The following SREBF2 variants were observed in gnomAD, a reference collection of about 807,000 sequenced individuals.
SREBF2 encodes sterol regulatory element-binding protein 2.
SREBF2 carries 55 observed loss-of-function variants against 113.1 expected under a neutral mutation model. The ratio of observed to expected loss-of-function variants is 0.49; its 90% CI spans 0.39 to 0.61. SREBF2 has a LOEUF of 0.61. Ranked by LOEUF, SREBF2 falls within the 20% of genes least tolerant of loss-of-function variation. SREBF2 has a pLI of 0.00. For synonymous variants in SREBF2, 593 were observed against 605.7 expected (o/e 0.98, Z 0.31); for missense variants, 1,349 against 1,487.4 (o/e 0.91, Z 1.53).
intron 1 of SREBF2, among the ~76,000 whole-genome samples, chr22:41,855,990 A>T (rs2076973767): frequency 6.6e-6 from 1 of 151,900 alleles, no homozygotes; most frequent in South Asian, 2.1e-4. Flanking sequence ...TAGCATGATC[A>T]TGCCTCACTG....
intron 5 of SREBF2, 30 bp from the exon 6 acceptor site, chr22:41,875,307 C>A: frequency 1.3e-6 from 2 of 1,584,020 alleles, no homozygotes; most frequent in South Asian, 1.1e-5. Context: ...GCACTGGTCT[C>A]ACTGTGTTTT....
intron 1 of SREBF2, among the ~76,000 whole-genome samples, chr22:41,839,496 C>A (rs1257903454): frequency 6.6e-6 from 1 of 151,808 alleles, no homozygotes; most frequent in African/African-American, 2.4e-5. Context: ...TATTAGGAGG[C>A]CAAACCTTGC....
intron 7 of SREBF2, 78 bp downstream of exon 7, chr22:41,875,802 T>C (rs1030306102): frequency 3.9e-6 from 6 of 1,530,472 alleles, no homozygotes; most frequent in Middle Eastern, 3.9e-4. Context: ...GTCACAGTTA[T>C]GAGGCCAGGC....
intron 1 of SREBF2, among the ~76,000 whole-genome samples, chr22:41,859,842 G>C (rs1207017922): frequency 8.9e-6 from 1 of 111,988 alleles, no homozygotes; most frequent in Non-Finnish European, 1.7e-5. Flanking sequence ...ACGGAGTCTC[G>C]CTCTGTCACC....
intron 1 of SREBF2, among the ~76,000 whole-genome samples, chr22:41,851,993 T>C (rs1228330293): frequency 6.6e-6 from 1 of 151,930 alleles, no homozygotes; most frequent in Non-Finnish European, 1.5e-5. Flanking sequence ...TGGTAGCGGA[T>C]GCCTGTAGTC....
At chr22:41,847,776 G>A (rs965959272) in intron 1 of SREBF2, among the ~76,000 whole-genome samples, 1 of 152,148 alleles carries the variant, frequency 6.6e-6, no homozygotes, top group African/African-American at 2.4e-5. Context: ...TGTGTAAAGT[G>A]TTTAATTGCT....
chr22:41,890,887 GACAGAGCAAGA>G (rs1165487656), intron 11 of SREBF2, among the ~76,000 whole-genome samples: 1 of 151,494 alleles, frequency 6.6e-6, no homozygotes, highest in Non-Finnish European at 1.5e-5. Context: ...CAGCCTGGGT[GACAGAGCAAGA>G]CTCTGTCTTT....
chr22:41,895,675 A>C (rs141911719), intron 13 of SREBF2, among the ~76,000 whole-genome samples: 1 of 151,624 alleles, frequency 6.6e-6, no homozygotes, highest in Non-Finnish European at 1.5e-5. Context: ...ATCTCGGGCA[A>C]TCCGCCTGCC....
At chr22:41,862,903 T>A (rs574829373) in intron 1 of SREBF2, among the ~76,000 whole-genome samples, 4 of 152,360 alleles carry the variant, frequency 2.6e-5, no homozygotes, top group South Asian at 4.1e-4. Flanking sequence ...GGGACTTTTT[T>A]ATTTTAATTT....
At chr22:41,869,229 C>G (rs1317919790) in intron 3 of SREBF2, among the ~76,000 whole-genome samples, 2 of 152,054 alleles carry the variant, frequency 1.3e-5, no homozygotes, top group Non-Finnish European at 2.9e-5. Context: ...TTCAGCCTCC[C>G]GAGTAGCTGG....
chr22:41,864,261 T>TATAC (rs1204150898), intron 1 of SREBF2, among the ~76,000 whole-genome samples: 184 of 50,972 alleles, frequency 3.6e-3, no homozygotes, highest in Non-Finnish European at 5.1e-3. Flanking sequence ...TATATATATA[T>TATAC]ACACACACAC....
chr22:41,857,443 A>G, intron 1 of SREBF2, among the ~76,000 whole-genome samples: 1 of 152,208 alleles, frequency 6.6e-6, no homozygotes, highest in East Asian at 1.9e-4. Flanking sequence ...CCAGAAGACC[A>G]TTTGAGAATT....
At chr22:41,835,412 G>A (rs994350059) in intron 1 of SREBF2, among the ~76,000 whole-genome samples, 1 of 151,220 alleles carries the variant, frequency 6.6e-6, no homozygotes, top group Admixed American at 6.6e-5. Flanking sequence ...CCGAGTTCAG[G>A]CGATTCTCCT....
chr22:41,863,112 G>A (rs561952348), intron 1 of SREBF2, among the ~76,000 whole-genome samples: 1 of 152,306 alleles, frequency 6.6e-6, no homozygotes, highest in African/African-American at 2.4e-5. Context: ...ACCTGCATAA[G>A]GGTCTACCCT....
At chr22:41,888,688 T>C (rs1330981173) in intron 11 of SREBF2, among the ~76,000 whole-genome samples, 1 of 152,228 alleles carries the variant, frequency 6.6e-6, no homozygotes, top group Admixed American at 6.5e-5. Flanking sequence ...TTAGGGAACA[T>C]TTTTGTCCAT....
At chr22:41,842,985 C>A (rs563513891) in intron 1 of SREBF2, among the ~76,000 whole-genome samples, 1 of 148,828 alleles carries the variant, frequency 6.7e-6, no homozygotes, top group African/African-American at 2.5e-5. Context: ...GCGAGACGTC[C>A]GTCTCAAAAA....
At chr22:41,896,509 G>A (rs1392500196) in intron 13 of SREBF2, among the ~76,000 whole-genome samples, 2 of 152,110 alleles carry the variant, frequency 1.3e-5, no homozygotes, top group South Asian at 2.1e-4. Context: ...ACAGGCACGC[G>A]CCACCATGCC....
chr22:41,905,203 A>G (rs1158364356), intron 18 of SREBF2, among the ~76,000 whole-genome samples: 1 of 152,216 alleles, frequency 6.6e-6, no homozygotes, highest in African/African-American at 2.4e-5. Flanking sequence ...GTCCCAGCAC[A>G]GGTGCAGGCA....
intron 13 of SREBF2, among the ~76,000 whole-genome samples, chr22:41,895,936 G>T (rs978876323): frequency 2.0e-5 from 3 of 151,976 alleles, no homozygotes; most frequent in African/African-American, 7.2e-5. Context: ...GAGGTCAGGA[G>T]ATCGAGACCA....
Sources: gnomAD v4.1 joint callset for allele counts (sites outside exome capture counted in the v4.1 genomes callset) on GRCh38, gnomAD v4.1.1 for gene constraint, MANE v1.5 for transcripts, NCBI Gene and HGNC (gene_info 2026-07-23, HGNC 2026-07-21) for gene names.